THSD4: variants seen among roughly 807,000 people sequenced by gnomAD.
THSD4 encodes the protein thrombospondin type 1 domain containing 4.
THSD4 carries 69 observed loss-of-function variants against 119.0 expected under a neutral mutation model. That is an observed-to-expected ratio of 0.58 (90% confidence interval 0.48 to 0.71). THSD4 has a LOEUF of 0.71. THSD4 is among the 30% of genes least tolerant of loss of function. THSD4 has a pLI of 0.00. For synonymous variants in THSD4, 524 were observed against 540.4 expected (o/e 0.97, Z 0.42); for missense variants, 1,393 against 1,391.1 (o/e 1.00, Z -0.02).
chr15:71,735,622 G>A (rs1328969973), intron 10 of THSD4, among the ~76,000 whole-genome samples: 4 of 146,726 alleles, frequency 2.7e-5, no homozygotes, highest in Non-Finnish European at 1.5e-5. Context: ...CTTGCTCTCT[G>A]TTTCTCTCTC....
At chr15:71,253,061 G>GCCAT (rs1370474638) in intron 5 of THSD4, among the ~76,000 whole-genome samples, 1 of 152,178 alleles carries the variant, frequency 6.6e-6, no homozygotes, top group Non-Finnish European at 1.5e-5. Flanking sequence ...CATACACAGG[G>GCCAT]CCATGCCCAT....
chr15:71,601,760 A>T (rs2050015190), intron 7 of THSD4, among the ~76,000 whole-genome samples: 1 of 152,224 alleles, frequency 6.6e-6, no homozygotes, highest in South Asian at 2.1e-4. Flanking sequence ...TGGTTGCGAG[A>T]TCAGAAATCT....
At chr15:71,519,020 A>G (rs565468923) in intron 7 of THSD4, among the ~76,000 whole-genome samples, 2 of 152,364 alleles carry the variant, frequency 1.3e-5, no homozygotes, top group East Asian at 3.9e-4. Flanking sequence ...TGGCAATGCC[A>G]TAAGAACAAT....
At chr15:71,369,711 A>G (rs1223596018) in intron 6 of THSD4, among the ~76,000 whole-genome samples, 1 of 152,118 alleles carries the variant, frequency 6.6e-6, no homozygotes, top group African/African-American at 2.4e-5. Context: ...TTTTTGCATC[A>G]ATGTTCATCA....
At position 71,769,928 on chromosome 15, in the gene THSD4, T is replaced by TA. The variant is rs1181348692; in HGVS notation, c.2770-1115dup. On this transcript the variant is annotated intron_variant, in intron 16 of 17. Coordinates refer to ENST00000261862, the MANE Select transcript of THSD4 (RefSeq NM_024817.3). The stretch of plus-strand genomic sequence containing the variant: ...GAATTATCAATAAAAAAAATAAATT[T>TA]AAAAAAAAAAAAAAAAAAAAAGAAT... 1.9e-3 allele frequency among the ~76,000 whole-genome samples: 86 copies of TA among 44,272 alleles called. 3 individuals are homozygous for TA. The highest frequency in any genetic ancestry group is 2.4e-3 in the South Asian group (4 of 1,684). 29.0% of individuals were successfully genotyped at this position (44,272 alleles called of 152,430 possible). A position where few individuals can be genotyped will look rare whatever the true frequency, so the allele number is the denominator to read the frequency against.
chr15:71,574,773 G>C lies in THSD4; in HGVS notation c.1153-85757G>C, dbSNP rs114217211. ...GACCGTGATCATCTCTTCACAGGAGGAGCTTCAAAGTCACATTTCCACAGG... is the reference window on the plus strand; with the variant it reads ...GACCGTGATCATCTCTTCACAGGAGCAGCTTCAAAGTCACATTTCCACAGG... On this transcript the variant is annotated intron_variant, in intron 7 of 17. Coordinates refer to ENST00000261862, the MANE Select transcript of THSD4 (RefSeq NM_024817.3). Among the ~76,000 whole-genome samples, 219 of 152,220 alleles carry C rather than the reference G, an allele frequency of 1.4e-3. 1 individual carries two copies. The highest frequency in any genetic ancestry group is 5.2e-3 in the African/African-American group (214 of 41,546).
intron 7 of THSD4, among the ~76,000 whole-genome samples, chr15:71,630,726 A>AT (rs2050610252): frequency 6.6e-6 from 1 of 152,136 alleles, no homozygotes; most frequent in Non-Finnish European, 1.5e-5. Flanking sequence ...AGCTCTGGGG[A>AT]TCCCCTCAGA....
At chr15:71,762,447 C>T (rs1274917421) in intron 15 of THSD4, among the ~76,000 whole-genome samples, 1 of 152,230 alleles carries the variant, frequency 6.6e-6, no homozygotes, top group Non-Finnish European at 1.5e-5. Flanking sequence ...AAACCCCTCA[C>T]TTTCTCTTTT....
rs377310960 is a variant in THSD4, at chr15:71,742,382, A to C, written c.1907-2724A>C. 1.6e-4 allele frequency among the ~76,000 whole-genome samples: 24 copies of C among 152,322 alleles called. No individual in the cohort carries two copies. The East Asian group carries it at 4.2e-3, about 27-fold the overall frequency. ...TTGATTCCTAGAGTTCCAAGTCTAA[A>C]GTCATTTACTTTTTTCTTGCTCTTT... On this transcript the variant is annotated intron_variant, in intron 11 of 17. Transcript: ENST00000261862.
At chr15:71,311,153 G>T in intron 6 of THSD4, among the ~76,000 whole-genome samples, 1 of 152,146 alleles carries the variant, frequency 6.6e-6, no homozygotes, top group Non-Finnish European at 1.5e-5. Flanking sequence ...GGCCGTCAAA[G>T]TTCTAACCAT....
Position 71,542,358 on chromosome 15 carries a change from A to T in THSD4, c.1153-118172A>T, listed in dbSNP as rs867808247. 7.2e-5 allele frequency among the ~76,000 whole-genome samples: 11 copies of T among 152,278 alleles called. No homozygotes were observed. The South Asian group carries it at 8.3e-4, about 11-fold the overall frequency. On this transcript the variant is annotated intron_variant, in intron 7 of 17. Coordinates refer to ENST00000261862, the MANE Select transcript of THSD4 (RefSeq NM_024817.3). ...GATCTTAATTCTATGGGATTTACTG[A>T]TTCATTTCTAATGAATAGGCTATGG... is the stretch of plus-strand genomic sequence containing the variant.
intron 4 of THSD4, among the ~76,000 whole-genome samples, chr15:71,233,105 T>C (rs1012798699): frequency 4.6e-5 from 7 of 152,236 alleles, no homozygotes; most frequent in Admixed American, 6.5e-5. Context: ...TCTGTGCTGA[T>C]CTAAAATCTT....
At chr15:71,587,800 G>A (rs202174070) in intron 7 of THSD4, among the ~76,000 whole-genome samples, 4,330 of 37,760 alleles carry the variant, frequency 0.11, 163 homozygotes, top group African/African-American at 0.22. Context: ...AAAAAAAAAA[G>A]AAAAAAAAAA....
chr15:71,247,205 TTTTG>T (rs1303666382), intron 5 of THSD4, among the ~76,000 whole-genome samples: 3 of 151,258 alleles, frequency 2.0e-5, no homozygotes, highest in Admixed American at 6.6e-5. Context: ...GCCTTGGTTT[TTTTG>T]TTTGTTTATT....
At chr15:71,352,764 C>T (rs2140408072) in intron 6 of THSD4, among the ~76,000 whole-genome samples, 1 of 152,302 alleles carries the variant, frequency 6.6e-6, no homozygotes, top group Non-Finnish European at 1.5e-5. Flanking sequence ...ATCCATATTG[C>T]TTTTATGAGC....
At chr15:71,647,170 A>G (rs538424589) in intron 7 of THSD4, among the ~76,000 whole-genome samples, 3 of 152,284 alleles carry the variant, frequency 2.0e-5, no homozygotes, top group African/African-American at 7.2e-5. Flanking sequence ...TGTTTTTCCA[A>G]CTGGTTTATG....
chr15:71,583,742 A>G (rs571494839), intron 7 of THSD4, among the ~76,000 whole-genome samples: 3 of 152,090 alleles, frequency 2.0e-5, no homozygotes, highest in African/African-American at 7.2e-5. Flanking sequence ...TGCAATTTCT[A>G]GTTTCATACT....
chr15:71,305,185 T>C (rs1279265623), intron 6 of THSD4, among the ~76,000 whole-genome samples: 1 of 152,300 alleles, frequency 6.6e-6, no homozygotes, highest in East Asian at 1.9e-4. Context: ...TATACCAACA[T>C]GGAAGACATT....
At chr15:71,597,920 C>A (rs1175135831) in intron 7 of THSD4, among the ~76,000 whole-genome samples, 3 of 152,170 alleles carry the variant, frequency 2.0e-5, no homozygotes, top group South Asian at 2.1e-4. Flanking sequence ...ATTTCTCCCT[C>A]AGATATTTAG....
Sources: allele counts gnomAD v4.1 joint callset (sites outside exome capture counted in the v4.1 genomes callset), GRCh38; gene constraint gnomAD v4.1.1; transcripts MANE v1.5; gene names NCBI Gene and HGNC (gene_info 2026-07-23, HGNC 2026-07-21).